Variants in PFKP observed in about 807,000 individuals in gnomAD.
PFKP encodes phosphofructokinase, platelet, also known as ATP-dependent 6-phosphofructokinase, platelet type.
In PFKP, 101 loss-of-function variants were observed where a neutral mutation model predicts 94.3. The observed-to-expected ratio is 1.07, with a 90% CI of 0.91 to 1.26. PFKP has a LOEUF of 1.26. PFKP is among the 50% of genes most tolerant of loss of function. PFKP has a pLI of 0.00. For synonymous variants in PFKP, 573 were observed against 432.6 expected, an observed-to-expected ratio of 1.32 and a Z score of -4.03; for missense variants, 1,145 against 1,103.3, an observed-to-expected ratio of 1.04 and a Z score of -0.53.
chr10:3,083,770 A>G (rs55764936), intron 2 of PFKP, among the ~76,000 whole-genome samples: 38,635 of 151,924 alleles, frequency 0.25, 5,124 homozygotes, highest in East Asian at 0.35. Flanking sequence ...TGCCTCCCAC[A>G]TAGCTGGGAT....
At chr10:3,098,305 G>A (rs1309150764) in intron 2 of PFKP, among the ~76,000 whole-genome samples, 2 of 152,146 alleles carry the variant, frequency 1.3e-5, no homozygotes, top group Non-Finnish European at 2.9e-5. Context: ...TGTAGATGAA[G>A]TTACCCGTGG....
intron 1 of PFKP, among the ~76,000 whole-genome samples, chr10:3,081,507 G>C (rs1260800122): frequency 3.9e-5 from 6 of 152,246 alleles, no homozygotes; most frequent in African/African-American, 1.4e-4. Flanking sequence ...TGAAGGCTCA[G>C]GTGTTCCTCA....
At chr10:3,133,832 C>T (rs889793573) in intron 19 of PFKP, among the ~76,000 whole-genome samples, 4 of 152,204 alleles carry the variant, frequency 2.6e-5, no homozygotes, top group Admixed American at 6.5e-5. Flanking sequence ...TGTCAGCTTT[C>T]ATGAAAACAG....
rs140594448 is a variant in PFKP at position 3,103,879 on chromosome 10, C to A, written c.555C>A (p.Ile185=). Residue 185 remains isoleucine, a synonymous_variant, in exon 5 of 22, where the codon ATC becomes ATA. Coordinates refer to ENST00000381125, the MANE Select transcript of PFKP (RefSeq NM_002627.5). ...ATTTCTGCGGCACCGACATGACCAT[C>A]GGCACGGACTCCGCCCTGCACAGGA... ...DNDFCGTDMT[I]GTDSALHRII... 6.2e-7 allele frequency: 1 copy of A among 1,613,906 alleles called. No individual in the cohort carries two copies. Among genetic ancestry groups the A allele is most frequent in the Non-Finnish European group, 8.5e-7 (1 of 1,180,034 alleles).
At chr10:3,113,597 C>G (rs1836487261) in intron 13 of PFKP, 79 bp downstream of exon 13, 1 of 1,280,616 alleles carries the variant, frequency 7.8e-7, no homozygotes, top group Non-Finnish European at 1.1e-6. Context: ...GGGGTGCCCT[C>G]CATGGCCCTC....
At position 3,086,373 on chromosome 10, in the gene PFKP, C is replaced by G. The variant is rs1049913622; in HGVS notation, c.186+3912C>G. 4.6e-5 allele frequency among the ~76,000 whole-genome samples: 7 copies of G among 152,356 alleles called. No homozygotes were observed. The East Asian group carries it at 1.2e-3, about 25-fold the overall frequency. On this transcript the variant is annotated intron_variant, in intron 2 of 21. Transcript: ENST00000381125. Reference sequence around the variant, plus strand: ...ACTGACTTACCTTAGTTCACTTTCTCCGCGTCACCACTCAGCATGTTCAGG... The same window carrying G: ...ACTGACTTACCTTAGTTCACTTTCTGCGCGTCACCACTCAGCATGTTCAGG...
At chr10:3,130,064 G>A in intron 17 of PFKP, 81 bp downstream of exon 17, 2 of 1,351,362 alleles carry the variant, frequency 1.5e-6, no homozygotes, top group South Asian at 2.9e-5. Flanking sequence ...GTCTAGGGTG[G>A]TTTGCTTTCC....
In PFKP at chr10:3,119,918, A is replaced by G; in HGVS notation, c.1557A>G (p.Ser519=). 6.2e-7 allele frequency: 1 copy of G among 1,614,100 alleles called. No individual in the cohort carries two copies. ...FEAYLGLLEL[S]AAREKHEEFC... is the part of the protein sequence containing the mutation. The stretch of plus-strand genomic sequence containing the variant: ...CCTACCTGGGACTCCTGGAGCTGTC[A>G]GCCGCCCGGGAGAAGCACGAGGAGT... Residue 519 remains serine (S), a synonymous_variant, in exon 16 of 22, where the codon TCA becomes TCG. Transcript: ENST00000381125.
At chr10:3,091,281 A>G (rs759255993) in intron 2 of PFKP, among the ~76,000 whole-genome samples, 2 of 152,084 alleles carry the variant, frequency 1.3e-5, no homozygotes, top group Non-Finnish European at 2.9e-5. Context: ...AGATGATGAT[A>G]CTAAGTATAT....
chr10:3,128,473 C>A (rs1277768444), intron 16 of PFKP, among the ~76,000 whole-genome samples: 1 of 150,230 alleles, frequency 6.7e-6, no homozygotes, highest in East Asian at 2.0e-4. Context: ...CGCTGTGACA[C>A]TGACCACACA....
intron 20 of PFKP, among the ~76,000 whole-genome samples, chr10:3,134,796 T>C (rs1385614632): frequency 6.6e-6 from 1 of 152,240 alleles, no homozygotes. Context: ...CATGTTCTCT[T>C]TTATCACTGC....
intron 16 of PFKP, among the ~76,000 whole-genome samples, chr10:3,122,582 C>T (rs71477810): frequency 0.06 from 9,085 of 152,248 alleles, 450 homozygotes; most frequent in East Asian, 0.21. Flanking sequence ...GGCAACTGGA[C>T]GTGGATGGCT....
chr10:3,108,689 G>A lies in PFKP; in HGVS notation c.871-12G>A. The A allele has an allele frequency of 6.2e-7, 1 of 1,609,594 alleles. No homozygotes were observed. The highest frequency in any genetic ancestry group is 8.5e-7 in the Non-Finnish European group (1 of 1,175,914). On this transcript the variant is annotated splice_polypyrimidine_tract_variant and intron_variant, in intron 8 of 21. Transcript: ENST00000381125. ...TCACAGTTCCGCATCCTAACGAGATGTTTCCTTGCAGCTTGTCGTCACGCA... is the reference window on the plus strand; with the variant it reads ...TCACAGTTCCGCATCCTAACGAGATATTTCCTTGCAGCTTGTCGTCACGCA...
At chr10:3,104,880 G>A (rs538506323) in intron 5 of PFKP, 50 of 600,014 alleles carry the variant, frequency 8.3e-5, no homozygotes, top group African/African-American at 4.5e-4. Context: ...ACTGGAGAGC[G>A]CAGAGGTGGC....
chr10:3,108,908 GCGGC>G, intron 9 of PFKP, 115 bp downstream of exon 9: 1 of 772,720 alleles, frequency 1.3e-6, no homozygotes. Context: ...AGAGATGCCC[GCGGC>G]CCGGCCCTCA....
intron 1 of PFKP, among the ~76,000 whole-genome samples, chr10:3,071,647 T>G (rs1204790638): frequency 6.6e-6 from 1 of 152,180 alleles, no homozygotes; most frequent in Non-Finnish European, 1.5e-5. Context: ...TTGTGGCTTC[T>G]GAAGGTCCTG....
At chr10:3,094,582 G>A (rs1022943268) in intron 2 of PFKP, among the ~76,000 whole-genome samples, 4 of 152,180 alleles carry the variant, frequency 2.6e-5, no homozygotes, top group African/African-American at 9.7e-5. Context: ...GTGTGTTGGT[G>A]TGGGGCTGTT....
chr10:3,099,039 C>T lies in PFKP; in HGVS notation c.187-236C>T, dbSNP rs535264257. ...GGGCCATAGGAGAATGGCTTGATTC[C>T]TCATTGCACTGTGAGGCTGAGTCTA... On this transcript the variant is annotated intron_variant, in intron 2 of 21. Coordinates refer to ENST00000381125, the MANE Select transcript of PFKP (RefSeq NM_002627.5). Among the ~76,000 whole-genome samples, 52 of 152,314 alleles carry T rather than the reference C, an allele frequency of 3.4e-4. 2 individuals carry two copies. The South Asian group carries it at 9.7e-3, about 29-fold the overall frequency.
intron 1 of PFKP, chr10:3,069,225 G>C: frequency 1.4e-6 from 2 of 1,407,478 alleles, no homozygotes; most frequent in South Asian, 1.6e-5. Flanking sequence ...AAGTGCTCTG[G>C]CGTTAGCATT....
Sources: gnomAD v4.1 joint callset for allele counts (sites outside exome capture counted in the v4.1 genomes callset) on GRCh38, gnomAD v4.1.1 for gene constraint, MANE v1.5 for transcripts, NCBI Gene and HGNC (gene_info 2026-07-23, HGNC 2026-07-21) for gene names.